Variants in ADAMTSL1 observed in about 807,000 individuals in gnomAD.
ADAMTSL1 encodes ADAMTS like 1.
ADAMTSL1 carries 126 observed loss-of-function variants against 201.8 expected under a neutral mutation model. The ratio of observed to expected loss-of-function variants is 0.62; its 90% CI spans 0.54 to 0.72. ADAMTSL1 has a LOEUF of 0.72. ADAMTSL1 is among the 30% of genes least tolerant of loss of function. ADAMTSL1 has a pLI of 0.00. For missense variants in ADAMTSL1, 2,679 were observed against 2,277.8 expected (o/e 1.18, Z -3.59); for synonymous variants, 1,121 against 903.4 (o/e 1.24, Z -4.32).
chr9:18,817,945 G>T (rs1054279133), intron 21 of ADAMTSL1, among the ~76,000 whole-genome samples: 3 of 152,198 alleles, frequency 2.0e-5, no homozygotes, highest in Admixed American at 2.0e-4. Context: ...TTGCTCTCAG[G>T]TGGGCCTTGC....
chr9:18,322,360 T>C (rs4514085), intron 2 of ADAMTSL1, among the ~76,000 whole-genome samples: 16,321 of 152,192 alleles, frequency 0.11, 963 homozygotes, highest in Middle Eastern at 0.14. Flanking sequence ...GTACCAGGTG[T>C]GGTGGCTTAC....
Position 18,829,920 on chromosome 9 carries a change from C to T in ADAMTSL1, c.4192C>T (p.Leu1398=), listed in dbSNP as rs1824867776. ...AATGPNLPSV[L]TSPLGTQLVL... ...CACTGGACCGAACCTTCCTTCAGTG[C>T]TGACGTCTCCTCTGGGAACACAGCT... The change falls in exon 23 of 29, where the codon CTG becomes TTG. Residue 1398 remains leucine (L), a synonymous_variant. Coordinates refer to ENST00000380548, the MANE Select transcript of ADAMTSL1 (RefSeq NM_001040272.6). 6.2e-7 allele frequency: 1 copy of T among 1,613,898 alleles called. No homozygotes were observed. The highest frequency in any genetic ancestry group is 8.5e-7 in the Non-Finnish European group (1 of 1,179,870).
At chr9:18,403,759 A>G (rs1046949162) in intron 2 of ADAMTSL1, among the ~76,000 whole-genome samples, 1 of 152,168 alleles carries the variant, frequency 6.6e-6, no homozygotes, top group South Asian at 2.1e-4. Context: ...TCTGACTGGC[A>G]TGATCTTGTC....
intron 2 of ADAMTSL1, among the ~76,000 whole-genome samples, chr9:18,335,265 G>C (rs1835186364): frequency 6.6e-6 from 1 of 152,030 alleles, no homozygotes; most frequent in African/African-American, 2.4e-5. Flanking sequence ...ACAGGCAGCA[G>C]GTGGAAAATA....
At chr9:18,681,710 C>G (rs866306982) in intron 11 of ADAMTSL1, 102 bp from the exon 12 acceptor site, 15,616 of 319,430 alleles carry the variant, frequency 0.049, 102 homozygotes, top group African/African-American at 0.19. Context: ...GGGGGGGGGG[C>G]GGGGAAAAAG....
At chr9:18,316,260 A>C (rs1834390205) in intron 2 of ADAMTSL1, among the ~76,000 whole-genome samples, 1 of 152,246 alleles carries the variant, frequency 6.6e-6, no homozygotes, top group Non-Finnish European at 1.5e-5. Flanking sequence ...TTCGGGCACC[A>C]TTGTCACTGA....
intron 3 of ADAMTSL1, among the ~76,000 whole-genome samples, chr9:18,565,871 A>C (rs959666684): frequency 6.6e-6 from 1 of 152,216 alleles, no homozygotes; most frequent in Non-Finnish European, 1.5e-5. Context: ...TCAGGTGGCC[A>C]AAATTTGGGG....
At chr9:18,823,159 C>T (rs1353637563) in intron 21 of ADAMTSL1, among the ~76,000 whole-genome samples, 1 of 152,156 alleles carries the variant, frequency 6.6e-6, no homozygotes, top group Non-Finnish European at 1.5e-5. Context: ...CCTACATCGG[C>T]AAACTCATAA....
intron 1 of ADAMTSL1, among the ~76,000 whole-genome samples, chr9:17,960,818 A>C (rs1817720385): frequency 6.6e-6 from 1 of 152,134 alleles, no homozygotes; most frequent in South Asian, 2.1e-4. Flanking sequence ...TTTCCATTCC[A>C]CATCAGCAGC....
At chr9:18,463,145 G>C (rs1820872044) in intron 2 of ADAMTSL1, among the ~76,000 whole-genome samples, 1 of 151,980 alleles carries the variant, frequency 6.6e-6, no homozygotes, top group African/African-American at 2.4e-5. Context: ...CTTTGAGTGA[G>C]GATGGCATTG....
At chr9:17,995,841 G>T (rs761724510) in intron 1 of ADAMTSL1, among the ~76,000 whole-genome samples, 1 of 151,240 alleles carries the variant, frequency 6.6e-6, no homozygotes, top group Admixed American at 6.6e-5. Flanking sequence ...GAGGATCCAG[G>T]TTCAAATCCT....
intron 23 of ADAMTSL1, among the ~76,000 whole-genome samples, chr9:18,875,813 TTGA>T (rs1057439944): frequency 1.1e-4 from 16 of 152,332 alleles, no homozygotes; most frequent in African/African-American, 3.8e-4. Context: ...GTTGACTGTC[TTGA>T]TGACCTGTCT....
intron 2 of ADAMTSL1, among the ~76,000 whole-genome samples, chr9:18,449,335 G>T (rs974326179): frequency 6.6e-6 from 1 of 151,404 alleles, no homozygotes; most frequent in African/African-American, 2.4e-5. Flanking sequence ...CATGCAAAAT[G>T]ATTTGTAAAA....
chr9:17,919,263 T>TAA (rs879709738), intron 1 of ADAMTSL1, among the ~76,000 whole-genome samples: 25 of 142,578 alleles, frequency 1.8e-4, no homozygotes, highest in African/African-American at 5.9e-4. Context: ...TTCCTTTTTG[T>TAA]AAAAAAAAAA....
chr9:18,537,834 A>G (rs1819872046), intron 3 of ADAMTSL1, among the ~76,000 whole-genome samples: 1 of 150,772 alleles, frequency 6.6e-6, no homozygotes, highest in South Asian at 2.1e-4. Flanking sequence ...TGTTTACACC[A>G]CTGCACTCAA....
intron 2 of ADAMTSL1, among the ~76,000 whole-genome samples, chr9:18,361,692 T>G (rs1022398439): frequency 2.6e-5 from 4 of 152,206 alleles, no homozygotes; most frequent in African/African-American, 9.7e-5. Flanking sequence ...AATTTAGTTT[T>G]CATGCAGAGA....
At chr9:18,035,847 A>G (rs1409598855) in intron 1 of ADAMTSL1, among the ~76,000 whole-genome samples, 1 of 152,184 alleles carries the variant, frequency 6.6e-6, no homozygotes, top group African/African-American at 2.4e-5. Flanking sequence ...TATATGTTGA[A>G]TTAAGTAACA....
rs758663256 is a variant in ADAMTSL1, at chr9:18,905,884, C to T, written c.4954C>T (p.Leu1652Phe). The T allele has an allele frequency of 6.2e-7, 1 of 1,609,306 alleles. No homozygotes were observed. The highest frequency in any genetic ancestry group is 8.5e-7 in the Non-Finnish European group (1 of 1,177,404). Residue 1652 changes from leucine to phenylalanine, a missense_variant, in exon 27 of 29, where the codon CTT (leucine) becomes TTT (phenylalanine). Physicochemically the swap from Leu to Phe is conservative, Grantham distance 22. Coordinates refer to ENST00000380548, the MANE Select transcript of ADAMTSL1 (RefSeq NM_001040272.6). ...CTTACCATCAGAGCAGTGCAGTGCTCTTCCGAGGTAAGAGAAAGCCCTGAA... is the reference window on the plus strand; with the variant it reads ...CTTACCATCAGAGCAGTGCAGTGCTTTTCCGAGGTAAGAGAAAGCCCTGAA... Reference protein sequence around the residue: ...ITLPSEQCSALPRPVSTQNCW... With the variant: ...ITLPSEQCSAFPRPVSTQNCW...
intron 15 of ADAMTSL1, among the ~76,000 whole-genome samples, chr9:18,722,555 G>C (rs954980292): frequency 6.6e-6 from 1 of 152,208 alleles, no homozygotes; most frequent in African/African-American, 2.4e-5. Context: ...TCACGATGAT[G>C]CACTGCTTGT....
Sources: gnomAD v4.1 joint callset for allele counts (sites outside exome capture counted in the v4.1 genomes callset) on GRCh38, gnomAD v4.1.1 for gene constraint, MANE v1.5 for transcripts, NCBI Gene and HGNC (gene_info 2026-07-23, HGNC 2026-07-21) for gene names.